Variants in RAD54B observed in about 807,000 individuals in gnomAD.
RAD54B encodes the protein RAD54 homolog B, also known as DNA repair and recombination protein RAD54B.
Under a neutral mutation model 95.8 loss-of-function variants are expected in RAD54B, and 78 were observed. The ratio of observed to expected loss-of-function variants is 0.81; its 90% CI spans 0.68 to 0.98. RAD54B has a LOEUF of 0.98. RAD54B is among the 50% of genes least tolerant of loss of function. The pLI, the probability that RAD54B is intolerant of heterozygous loss-of-function variation, is 0.00. For synonymous variants in RAD54B, 328 were observed against 354.9 expected (o/e 0.92, Z 0.85); for missense variants, 957 against 1,056.6 (o/e 0.91, Z 1.31).
intron 10 of RAD54B, among the ~76,000 whole-genome samples, chr8:94,390,949 C>T (rs1046293976): frequency 6.6e-6 from 1 of 152,120 alleles, no homozygotes; most frequent in Non-Finnish European, 1.5e-5. Flanking sequence ...TCTGTGCGCA[C>T]TTAACATCAG....
At chr8:94,449,519 G>C (rs1392316556) in intron 3 of RAD54B, among the ~76,000 whole-genome samples, 1 of 150,194 alleles carries the variant, frequency 6.7e-6, no homozygotes, top group Non-Finnish European at 1.5e-5. Flanking sequence ...TGAGACAGGA[G>C]AATCACTTGA....
chr8:94,467,913 A>G, intron 1 of RAD54B: 1 of 164,594 alleles, frequency 6.1e-6, no homozygotes, highest in Non-Finnish European at 1.3e-5. Flanking sequence ...CAAATGGAAA[A>G]TACTGTCTAC....
chr8:94,379,110 A>T (rs1810671632), intron 12 of RAD54B, among the ~76,000 whole-genome samples: 1 of 152,216 alleles, frequency 6.6e-6, no homozygotes, highest in Admixed American at 6.5e-5. Context: ...CACATTTCAA[A>T]TAAAAATCTG....
At chr8:94,467,678 C>T in intron 1 of RAD54B, 123 bp from the exon 2 acceptor site, 1 of 955,796 alleles carries the variant, frequency 1.0e-6, no homozygotes, top group East Asian at 2.6e-5. Context: ...CTGCCTGGCC[C>T]CCCAAGCATA....
At chr8:94,450,386 C>T (rs1227190889) in intron 3 of RAD54B, among the ~76,000 whole-genome samples, 1 of 152,132 alleles carries the variant, frequency 6.6e-6, no homozygotes, top group Non-Finnish European at 1.5e-5. Flanking sequence ...AAAAGGTTGA[C>T]ATGATAGGTA....
At chr8:94,440,370 A>G (rs1386783133) in intron 3 of RAD54B, among the ~76,000 whole-genome samples, 1 of 152,232 alleles carries the variant, frequency 6.6e-6, no homozygotes, top group Non-Finnish European at 1.5e-5. Flanking sequence ...TTTAAATTAA[A>G]AGAAGCTATA....
intron 1 of RAD54B, among the ~76,000 whole-genome samples, chr8:94,468,810 C>G (rs1253848269): frequency 1.3e-5 from 2 of 151,598 alleles, no homozygotes; most frequent in Admixed American, 6.6e-5. Flanking sequence ...GCTTGGGCGA[C>G]AGCGAGACTC....
chr8:94,450,438 C>T (rs1033514381), intron 3 of RAD54B, among the ~76,000 whole-genome samples: 1 of 152,098 alleles, frequency 6.6e-6, no homozygotes, highest in Non-Finnish European at 1.5e-5. Flanking sequence ...ATTTTAGGCC[C>T]CTAGGAAAAG....
chr8:94,461,107 A>T (rs1222653171), intron 2 of RAD54B, among the ~76,000 whole-genome samples: 4 of 150,174 alleles, frequency 2.7e-5, no homozygotes, highest in Admixed American at 6.7e-5. Context: ...AATTTTTTTT[A>T]AATAGAAACT....
chr8:94,428,714 GCAGA>G (rs1812005537), intron 3 of RAD54B: 1 of 964,588 alleles, frequency 1.0e-6, no homozygotes, highest in Non-Finnish European at 1.2e-6. Context: ...TGTGAAACCT[GCAGA>G]TAGAAAGCCA....
Position 94,386,177 on chromosome 8 carries a change from T to C in RAD54B, c.1985+807A>G, listed in dbSNP as rs186312718. Reference sequence around the variant, plus strand: ...TTAAGAATCAAAACAAAAATCTTGGTACCAGAAAAATGAGGATGGATTCTT... The same window carrying C: ...TTAAGAATCAAAACAAAAATCTTGGCACCAGAAAAATGAGGATGGATTCTT... On this transcript the variant is annotated intron_variant, in intron 11 of 14. Transcript: ENST00000336148. Among the ~76,000 whole-genome samples the C allele has an allele frequency of 3.6e-3, 555 of 152,246 alleles. 2 individuals are homozygous for C. Among genetic ancestry groups the C allele is most frequent in the African/African-American group, 0.012 (517 of 41,558 alleles).
At chr8:94,374,612 G>C (rs562711487) in intron 14 of RAD54B, among the ~76,000 whole-genome samples, 3 of 152,144 alleles carry the variant, frequency 2.0e-5, no homozygotes, top group African/African-American at 7.2e-5. Context: ...AAACCCTAAT[G>C]ATAAGAAAAC....
chr8:94,380,483 CAAT>C (rs1425001284), intron 11 of RAD54B, 77 bp from the exon 12 acceptor site: 17 of 1,360,198 alleles, frequency 1.2e-5, no homozygotes, highest in South Asian at 4.4e-5. Context: ...GAAAATACCA[CAAT>C]AATATTATCA....
intron 3 of RAD54B, among the ~76,000 whole-genome samples, chr8:94,457,434 A>G (rs1812802618): frequency 6.6e-6 from 1 of 152,354 alleles, no homozygotes; most frequent in Non-Finnish European, 1.5e-5. Flanking sequence ...GATAATGGCC[A>G]GTTAGGTAAA....
chr8:94,466,421 T>TG (rs1206747469), intron 2 of RAD54B, among the ~76,000 whole-genome samples: 18 of 150,622 alleles, frequency 1.2e-4, no homozygotes, highest in Non-Finnish European at 7.4e-5. Flanking sequence ...TTTTTTTTTT[T>TG]GGGGGGGACG....
At chr8:94,374,542 C>G (rs1023487708) in intron 14 of RAD54B, among the ~76,000 whole-genome samples, 1 of 151,782 alleles carries the variant, frequency 6.6e-6, no homozygotes, top group African/African-American at 2.4e-5. Flanking sequence ...ACAAGAGATA[C>G]CTAAAACATA....
In RAD54B at chr8:94,378,388, G is replaced by T; in HGVS notation, c.2315-8C>A. 1 of 1,603,948 alleles carries T rather than the reference G, an allele frequency of 6.2e-7. No homozygotes were observed. Among genetic ancestry groups the T allele is most frequent in the Non-Finnish European group, 8.5e-7 (1 of 1,174,920 alleles). On this transcript the variant is annotated splice_region_variant and splice_polypyrimidine_tract_variant and intron_variant, in intron 13 of 14. Transcript: ENST00000336148. ...TCTTTTCTTCTATTGTACCTAAAGAGAAAACATTAATTAGATTTCCTTCAG... is the reference window on the plus strand; with the variant it reads ...TCTTTTCTTCTATTGTACCTAAAGATAAAACATTAATTAGATTTCCTTCAG...
chr8:94,390,757 A>G (rs1389960853), intron 10 of RAD54B, among the ~76,000 whole-genome samples: 1 of 151,922 alleles, frequency 6.6e-6, no homozygotes. Flanking sequence ...TCCTTTATCC[A>G]AAATACTTGG....
At position 94,454,117 on chromosome 8, in the gene RAD54B, T is replaced by G. The variant is rs188629374; in HGVS notation, c.304+4151A>C. On this transcript the variant is annotated intron_variant, in intron 3 of 14. Coordinates refer to ENST00000336148, the MANE Select transcript of RAD54B (RefSeq NM_012415.3). ...ACTTTTTACTATACTCTTAACATCT[T>G]CTGAGTTTTTTACCATGTGCGTGCA... Among the ~76,000 whole-genome samples the G allele has an allele frequency of 5.6e-3, 848 of 151,852 alleles. 3 individuals carry two copies. Among genetic ancestry groups the G allele is most frequent in the Non-Finnish European group, 8.6e-3 (584 of 67,998 alleles).
Sources: gnomAD v4.1 joint callset for allele counts (sites outside exome capture counted in the v4.1 genomes callset) on GRCh38, gnomAD v4.1.1 for gene constraint, MANE v1.5 for transcripts, NCBI Gene and HGNC (gene_info 2026-07-23, HGNC 2026-07-21) for gene names.